The following NLRC4 variants were observed in gnomAD, a reference collection of about 807,000 sequenced individuals.
NLRC4 encodes NLR family CARD domain-containing protein 4.
In NLRC4, 63 loss-of-function variants were observed where a neutral mutation model predicts 79.9. The observed-to-expected ratio is 0.79, with a 90% CI of 0.64 to 0.97. The LOEUF is 0.97. NLRC4 is among the 50% of genes least tolerant of loss of function. NLRC4 has a pLI of 0.00. For missense variants in NLRC4, 1,074 were observed against 1,215.2 expected (o/e 0.88, Z 1.73); for synonymous variants, 461 against 456.5 (o/e 1.01, Z -0.12).
Position 32,224,574 on chromosome 2 carries a change from A to G in NLRC4, c.2974T>C (p.Ser992Pro), listed in dbSNP as rs1210691209. The G allele has an allele frequency of 6.2e-7, 1 of 1,613,846 alleles. No homozygotes were observed. The highest frequency in any genetic ancestry group is 1.1e-5 in the South Asian group (1 of 91,066). The change falls in exon 9 of 9, where the codon TCC becomes CCC. Residue 992 changes from serine to proline, a missense_variant. By Grantham distance (74) the Ser-to-Pro change is moderately conservative. Transcript: ENST00000402280. Reference protein sequence around the residue: ...ALVRKLSQVLSKLTFLQEARL... With the variant: ...ALVRKLSQVLPKLTFLQEARL... ...GCTTCTTGCAGAAAAGTTAACTTGG[A>G]TAACACTTGGCTAAGTTTTCTGACT...
At chr2:32,228,086 G>T (rs1246849839) in intron 8 of NLRC4, among the ~76,000 whole-genome samples, 6 of 152,170 alleles carry the variant, frequency 3.9e-5, no homozygotes, top group African/African-American at 1.4e-4. Context: ...ATTATGCTGG[G>T]TGCTGGGGAT....
At position 32,224,701 on chromosome 2, in the gene NLRC4, C is replaced by T. The variant is rs201737340; in HGVS notation, c.2847G>A (p.Val949=). ...FQQLNLAGNR[V]SSDGWLAFMG... The stretch of plus-strand genomic sequence containing the variant: ...TGAAGGCAAGCCATCCATCACTGCT[C>T]ACACGATTTCCCGCCAAATTCAACT... Residue 949 remains valine, a synonymous_variant, in exon 9 of 9, where the codon GTG becomes GTA. Transcript: ENST00000402280. The T allele has an allele frequency of 4.4e-5, 71 of 1,606,992 alleles. No homozygotes were observed. Among genetic ancestry groups the T allele is most frequent in the Admixed American group, 3.3e-4 (19 of 58,262 alleles).
chr2:32,229,112 C>A (rs970484720), intron 8 of NLRC4, among the ~76,000 whole-genome samples: 17 of 151,948 alleles, frequency 1.1e-4, no homozygotes, highest in African/African-American at 4.1e-4. Context: ...TGAAAGATAC[C>A]ATTTAACAAA....
Position 32,256,836 on chromosome 2 carries a change from G to T in NLRC4, c.-61C>A, listed in dbSNP as rs1687217766. ...CAATAGAAAATATTATTTCCAAATG[G>T]AAAGGTCAAAGGTGATCCCAATATT... On this transcript the variant is annotated 5_prime_UTR_variant, in exon 2 of 9. Transcript: ENST00000402280. The T allele has an allele frequency of 1.3e-6, 1 of 778,280 alleles. No individual in the cohort carries two copies. Among genetic ancestry groups the T allele is most frequent in the Non-Finnish European group, 2.4e-6 (1 of 416,880 alleles). The allele number at this position is 778,280 out of a possible 1,614,324, so 48.2% of individuals were successfully genotyped here. A position where few individuals can be genotyped will look rare whatever the true frequency, so the allele number is the denominator to read the frequency against.
Position 32,250,089 on chromosome 2 carries a change from G to A in NLRC4, c.1775C>T (p.Pro592Leu). The A allele has an allele frequency of 6.2e-7, 1 of 1,614,144 alleles. No homozygotes were observed. The highest frequency in any genetic ancestry group is 8.5e-7 in the Non-Finnish European group (1 of 1,179,986). The part of the protein sequence containing the change: ...KSLYINSGNI[P>L]DYLFDFFEHL... ...TTCAAAGAAGTCAAATAAGTAATCG[G>A]GGATGTTCCCTGAGTTGATATATAA... Residue 592 changes from proline to leucine, a missense_variant, in exon 4 of 9, where the codon CCC (proline) becomes CTC (leucine). Coordinates refer to ENST00000402280, the MANE Select transcript of NLRC4 (RefSeq NM_001199138.2). The surrounding 1 kb of genome is among the most constrained non-coding windows in gnomAD (Gnocchi z 4.9).
At chr2:32,256,196 C>T (rs1687205087) in intron 2 of NLRC4, among the ~76,000 whole-genome samples, 1 of 152,048 alleles carries the variant, frequency 6.6e-6, no homozygotes, top group Non-Finnish European at 1.5e-5. Flanking sequence ...TTTGTCTAGA[C>T]CAATGCTTTT....
intron 1 of NLRC4, among the ~76,000 whole-genome samples, chr2:32,260,671 G>A (rs932350951): frequency 1.3e-5 from 2 of 152,298 alleles, no homozygotes; most frequent in African/African-American, 2.4e-5. Context: ...CCACCTGGGG[G>A]CCAGGCATAT....
chr2:32,241,457 A>G (rs1686799871), intron 4 of NLRC4, among the ~76,000 whole-genome samples: 1 of 132,396 alleles, frequency 7.6e-6, no homozygotes. Flanking sequence ...GCTCACTGCC[A>G]GCTCCACCTC....
At chr2:32,259,300 G>T (rs1687284520) in intron 1 of NLRC4, among the ~76,000 whole-genome samples, 142 of 58,198 alleles carry the variant, frequency 2.4e-3, no homozygotes, top group Middle Eastern at 9.3e-3. Context: ...TAGAGACAGA[G>T]TTTTGCCGTG....
At chr2:32,248,093 G>A (rs1404454629) in intron 4 of NLRC4, among the ~76,000 whole-genome samples, 2 of 151,978 alleles carry the variant, frequency 1.3e-5, no homozygotes, top group Non-Finnish European at 2.9e-5. Context: ...TCACCACCAC[G>A]AAATATATCG....
chr2:32,246,531 C>G (rs943467833), intron 4 of NLRC4, among the ~76,000 whole-genome samples: 9 of 152,178 alleles, frequency 5.9e-5, no homozygotes, highest in East Asian at 3.9e-4. Flanking sequence ...GAAAACTAAC[C>G]CCAGACTGCT....
chr2:32,246,632 G>A (rs1686944084), intron 4 of NLRC4, among the ~76,000 whole-genome samples: 1 of 152,228 alleles, frequency 6.6e-6, no homozygotes, highest in Non-Finnish European at 1.5e-5. Context: ...TACACAGGTA[G>A]GGCAGACATT....
At chr2:32,259,290 T>A (rs1334865145) in intron 1 of NLRC4, among the ~76,000 whole-genome samples, 5 of 131,034 alleles carry the variant, frequency 3.8e-5, no homozygotes, top group Admixed American at 1.7e-4. Flanking sequence ...TTTTTTTTTT[T>A]AGAGACAGAG....
intron 4 of NLRC4, among the ~76,000 whole-genome samples, chr2:32,247,325 T>C (rs1477134693): frequency 6.6e-6 from 1 of 150,380 alleles, no homozygotes; most frequent in Non-Finnish European, 1.5e-5. Flanking sequence ...ATTTTTTTTT[T>C]TTTTTTTAGA....
chr2:32,252,269 A>G, intron 3 of NLRC4, 150 bp downstream of exon 3: 2 of 640,918 alleles, frequency 3.1e-6, no homozygotes, highest in Non-Finnish European at 5.5e-6. Flanking sequence ...TTTTCCTAAA[A>G]TCATCTAAGC....
intron 8 of NLRC4, among the ~76,000 whole-genome samples, chr2:32,229,532 T>C (rs1171555546): frequency 6.6e-6 from 1 of 152,170 alleles, no homozygotes; most frequent in Non-Finnish European, 1.5e-5. Context: ...TTTTATGTTG[T>C]AGTCTCAGAT....
intron 8 of NLRC4, among the ~76,000 whole-genome samples, 168 bp downstream of exon 8, chr2:32,235,233 C>T (rs1686644392): frequency 6.6e-6 from 1 of 151,900 alleles, no homozygotes; most frequent in Non-Finnish European, 1.5e-5. Context: ...GAAGGAAGGC[C>T]AGTGTTTTAA....
chr2:32,255,571 C>A (rs978222225), intron 2 of NLRC4, among the ~76,000 whole-genome samples: 2 of 151,132 alleles, frequency 1.3e-5, no homozygotes, highest in African/African-American at 4.9e-5. Context: ...GCTTAGAGAC[C>A]CACACACACA....
chr2:32,233,131 A>G (rs1318430100), intron 8 of NLRC4, among the ~76,000 whole-genome samples: 4 of 62,502 alleles, frequency 6.4e-5, no homozygotes, highest in Admixed American at 2.4e-4. Context: ...GGGGTGGGGG[A>G]GGGAGGAAGG....
Sources: allele counts gnomAD v4.1 joint callset (sites outside exome capture counted in the v4.1 genomes callset), GRCh38; gene constraint gnomAD v4.1.1; non-coding constraint Gnocchi (gnomAD v3.1); transcripts MANE v1.5; gene names NCBI Gene and HGNC (gene_info 2026-07-23, HGNC 2026-07-21).